COL6A5: variants seen among roughly 807,000 people sequenced by gnomAD.
COL6A5 encodes collagen type VI alpha 5 chain.
Under a neutral mutation model 65.6 loss-of-function variants are expected in COL6A5, and 48 were observed. The ratio of observed to expected loss-of-function variants is 0.73; its 90% CI spans 0.58 to 0.93. COL6A5 has a LOEUF of 0.93. COL6A5 is among the 40% of genes least tolerant of loss of function. The pLI is 0.00. For missense variants in COL6A5, 914 were observed against 928.3 expected, an observed-to-expected ratio of 0.98 and a Z score of 0.20; for synonymous variants, 291 against 322.8, an observed-to-expected ratio of 0.90 and a Z score of 1.05.
chr3:130,413,727 AATC>A (rs1937252729), intron 21 of COL6A5, 147 bp downstream of exon 21: 1 of 829,976 alleles, frequency 1.2e-6, no homozygotes. Context: ...CTGACCCAAT[AATC>A]ACTGCAGCTC....
At chr3:130,398,069 A>C (rs1355514956) in exon 10 of COL6A5, 3 of 1,551,104 alleles carry the variant, frequency 1.9e-6, no homozygotes, top group East Asian at 2.4e-5. Flanking sequence ...GAGTGAAAGC[A>C]ACATAATGCT....
chr3:130,391,482 A>G (rs1312760056), exon 7 of COL6A5: 1 of 1,551,742 alleles, frequency 6.4e-7, no homozygotes, highest in Admixed American at 2.0e-5. Context: ...TTTACAGAGG[A>G]ACATGGCAGC....
At chr3:130,444,993 T>C (rs1328706211) in intron 4 of COL6A5, among the ~76,000 whole-genome samples, 1 of 152,218 alleles carries the variant, frequency 6.6e-6, no homozygotes, top group Non-Finnish European at 1.5e-5. Context: ...CGAGACTCAC[T>C]ACCTGATCTC....
chr3:130,436,105 C>A (rs1298219598), intron 1 of COL6A5, among the ~76,000 whole-genome samples: 1 of 152,000 alleles, frequency 6.6e-6, no homozygotes, highest in East Asian at 1.9e-4. Context: ...CAGGTTAAAT[C>A]TCTATAAATC....
At chr3:130,451,773 G>C (rs1709446299) in intron 4 of COL6A5, among the ~76,000 whole-genome samples, 1 of 152,030 alleles carries the variant, frequency 6.6e-6, no homozygotes, top group African/African-American at 2.4e-5. Context: ...CAGAGGGAGA[G>C]GCTGATCAGG....
intron 1 of COL6A5, among the ~76,000 whole-genome samples, chr3:130,435,775 A>C (rs1347786330): frequency 6.6e-6 from 1 of 152,082 alleles, no homozygotes; most frequent in Non-Finnish European, 1.5e-5. Flanking sequence ...TGATTTTTGC[A>C]CATCGATTTT....
chr3:130,378,792 T>A (rs1935878402), intron 3 of COL6A5, among the ~76,000 whole-genome samples: 2 of 137,934 alleles, frequency 1.4e-5, no homozygotes, highest in Non-Finnish European at 3.1e-5. Context: ...CTTCCCTGAT[T>A]TCTTCATGTC....
Position 130,389,153 on chromosome 3 carries a change from T to A in COL6A5, c.2416+19T>A, listed in dbSNP as rs1286735530. On this transcript the variant is annotated intron_variant and NMD_transcript_variant, in intron 6 of 41. Coordinates refer to the COL6A5 transcript ENST00000312481. ...CTCCATGGTAAGTGTCCCTGTTATC[T>A]GTCAGGACTAAAGGATGTGAGCTGT... 1 of 1,391,274 alleles carries A rather than the reference T, an allele frequency of 7.2e-7. No individual in the cohort carries two copies. 86.2% of individuals were successfully genotyped at this position (1,391,274 alleles called of 1,614,324 possible).
At chr3:130,449,285 C>T (rs1055917630) in intron 4 of COL6A5, among the ~76,000 whole-genome samples, 3 of 152,104 alleles carry the variant, frequency 2.0e-5, no homozygotes, top group African/African-American at 7.2e-5. Context: ...TTTAGTAATC[C>T]CTTCATGCTT....
chr3:130,421,387 T>G, intron 27 of COL6A5, 27 bp downstream of exon 27: 1 of 1,548,568 alleles, frequency 6.5e-7, no homozygotes. Context: ...CTTTTGAAAT[T>G]ACCATGATCT....
intron 4 of COL6A5, among the ~76,000 whole-genome samples, chr3:130,451,354 A>G (rs1709426126): frequency 6.6e-6 from 1 of 152,056 alleles, no homozygotes; most frequent in Non-Finnish European, 1.5e-5. Flanking sequence ...TTGGACCGGG[A>G]TGAGAGTGTG....
intron 1 of COL6A5, among the ~76,000 whole-genome samples, chr3:130,362,316 ATATATATATATT>A (rs1935158633): frequency 2.4e-4 from 4 of 16,416 alleles, no homozygotes; most frequent in Admixed American, 7.1e-4. Flanking sequence ...ATATATATAT[ATATATATATATT>A]TTTTTTTTTT....
At chr3:130,403,780 G>A (rs1261648129) in intron 13 of COL6A5, 118 bp downstream of exon 13, 2 of 594,880 alleles carry the variant, frequency 3.4e-6, no homozygotes, top group Non-Finnish European at 5.4e-6. Flanking sequence ...TCATACAAAA[G>A]GGGTAGATGG....
intron 13 of COL6A5, among the ~76,000 whole-genome samples, chr3:130,405,075 C>A (rs1432010875): frequency 2.0e-5 from 3 of 152,224 alleles, no homozygotes; most frequent in Non-Finnish European, 4.4e-5. Flanking sequence ...GATAGTCTGA[C>A]TTTGGGGGTC....
At chr3:130,432,929 C>T (rs1362404659) in intron 1 of COL6A5, among the ~76,000 whole-genome samples, 1 of 152,152 alleles carries the variant, frequency 6.6e-6, no homozygotes, top group East Asian at 1.9e-4. Flanking sequence ...TTCATCTGTT[C>T]AACAACTTTT....
intron 7 of COL6A5, among the ~76,000 whole-genome samples, chr3:130,474,346 A>C (rs550868043): frequency 7.9e-5 from 12 of 152,262 alleles, no homozygotes; most frequent in African/African-American, 2.9e-4. Context: ...TATTCTACAG[A>C]GAATCATAAC....
exon 9 of COL6A5, chr3:130,397,876 C>A (rs915176448): frequency 2.3e-5 from 35 of 1,551,648 alleles, no homozygotes; most frequent in Non-Finnish European, 2.9e-5. Flanking sequence ...ACAGTTCTTG[C>A]GGTCTCTTTG....
exon 3 of COL6A5, chr3:130,376,529 C>A (rs1226197425): frequency 6.2e-7 from 1 of 1,605,842 alleles, no homozygotes; most frequent in Non-Finnish European, 8.5e-7. Flanking sequence ...CTCATAGGAC[C>A]TACTTCTCTG....
At chr3:130,438,280 T>C (rs773470542) in intron 1 of COL6A5, among the ~76,000 whole-genome samples, 1 of 152,156 alleles carries the variant, frequency 6.6e-6, no homozygotes, top group Non-Finnish European at 1.5e-5. Flanking sequence ...CAGGCATGAG[T>C]CACCACGCCA....
Sources: allele counts gnomAD v4.1 joint callset (sites outside exome capture counted in the v4.1 genomes callset), GRCh38; gene constraint gnomAD v4.1.1; transcripts MANE v1.5; gene names NCBI Gene and HGNC (gene_info 2026-07-23, HGNC 2026-07-21).